Variants in KLHL32 observed in about 807,000 individuals in gnomAD.
KLHL32 encodes kelch like family member 32, also known as kelch-like protein 32.
A neutral mutation model predicts 64.8 loss-of-function variants in KLHL32; 35 were observed. The ratio of observed to expected loss-of-function variants is 0.54; its 90% CI spans 0.41 to 0.72. The LOEUF (loss-of-function observed/expected upper bound fraction) is 0.72. Among genes scored for constraint, KLHL32 ranks in the 30% least tolerant of loss-of-function variants. The pLI, the probability that KLHL32 is intolerant of heterozygous loss-of-function variation, is 0.00. For synonymous variants in KLHL32, 259 were observed against 281.0 expected (o/e 0.92, Z 0.78); for missense variants, 589 against 768.5 (o/e 0.77, Z 2.76).
At chr6:97,092,517 T>A (rs540510871) in intron 6 of KLHL32, among the ~76,000 whole-genome samples, 1 of 152,336 alleles carries the variant, frequency 6.6e-6, no homozygotes, top group Non-Finnish European at 1.5e-5. Context: ...GTGATGAGGG[T>A]ATCTCCATTT....
At chr6:97,090,377 G>A (rs1472609866) in intron 6 of KLHL32, among the ~76,000 whole-genome samples, 2 of 152,086 alleles carry the variant, frequency 1.3e-5, no homozygotes, top group African/African-American at 4.8e-5. Context: ...AGAGACATAA[G>A]CCACATATTG....
At chr6:96,915,660 A>C in the KLHL32 span, among the ~76,000 whole-genome samples, 14 of 152,234 alleles carry the variant, frequency 9.2e-5, no homozygotes, top group Non-Finnish European at 1.6e-4. Context: ...GAGTAAAAAA[A>C]AAAAGGGATG....
intron 6 of KLHL32, among the ~76,000 whole-genome samples, chr6:97,095,539 G>A (rs917891961): frequency 6.6e-6 from 1 of 152,194 alleles, no homozygotes; most frequent in Admixed American, 6.5e-5. Context: ...CTGTGAAACA[G>A]CTGGGAAATC....
At chr6:97,010,627 A>G (rs1780289663) in intron 3 of KLHL32, among the ~76,000 whole-genome samples, 1 of 152,098 alleles carries the variant, frequency 6.6e-6, no homozygotes, top group Non-Finnish European at 1.5e-5. Context: ...GTGTTTTCCT[A>G]AAAAAATACT....
rs1792924072 is a variant in KLHL32, at chr6:97,083,583, TTC to T, written c.412-1539_412-1538del. On this transcript the variant is annotated intron_variant, in intron 5 of 10. Transcript: ENST00000369261. The stretch of plus-strand genomic sequence containing the variant: ...GTTTGTTTGGTCCTAAATGCAACTA[TTC>T]TCTTTTTTCAACATATAAAAGACTT... Among the ~76,000 whole-genome samples, 4 of 152,280 alleles carry T rather than the reference TTC, an allele frequency of 2.6e-5. No individual in the cohort carries two copies. The South Asian group carries it at 8.3e-4, about 32-fold the overall frequency.
intron 3 of KLHL32, among the ~76,000 whole-genome samples, chr6:97,024,352 TG>T (rs1317363933): frequency 6.6e-6 from 1 of 151,688 alleles, no homozygotes; most frequent in Non-Finnish European, 1.5e-5. Context: ...TGATGTACTG[TG>T]GGACAGGACC....
At chr6:97,042,946 G>A (rs1785352957) in intron 4 of KLHL32, among the ~76,000 whole-genome samples, 1 of 152,186 alleles carries the variant, frequency 6.6e-6, no homozygotes, top group Non-Finnish European at 1.5e-5. Context: ...GTGTGAGTGA[G>A]TTCTCACTGT....
At chr6:97,127,365 T>TA in intron 7 of KLHL32, 39 bp from the exon 8 acceptor site, 1 of 1,522,126 alleles carries the variant, frequency 6.6e-7, no homozygotes, top group Non-Finnish European at 9.1e-7. Flanking sequence ...TCCTATTTTT[T>TA]ATTCATGAAA....
intron 5 of KLHL32, among the ~76,000 whole-genome samples, chr6:97,083,962 C>G (rs1024586056): frequency 6.6e-6 from 1 of 151,728 alleles, no homozygotes; most frequent in Non-Finnish European, 1.5e-5. Context: ...CAAAGCCCAT[C>G]TGCCCCAAAA....
At chr6:96,944,288 G>C (rs931729524) in intron 1 of KLHL32, among the ~76,000 whole-genome samples, 5 of 152,190 alleles carry the variant, frequency 3.3e-5, no homozygotes, top group African/African-American at 1.2e-4. Flanking sequence ...GCCTAGGCAA[G>C]AATAAAATAT....
chr6:97,010,126 C>CAAAAAAAAAAAAAAAA (rs57115555), intron 3 of KLHL32: 1 of 87,014 alleles, frequency 1.1e-5, no homozygotes, highest in African/African-American at 3.7e-5. Context: ...ACTGATTTGA[C>CAAAAAAAAAAAAAAAA]AAAAAAAAAA....
At chr6:97,051,447 C>G (rs1582851055) in intron 4 of KLHL32, among the ~76,000 whole-genome samples, 1 of 152,282 alleles carries the variant, frequency 6.6e-6, no homozygotes, top group East Asian at 1.9e-4. Flanking sequence ...GGCGAGTATC[C>G]AGTAACTCCA....
At chr6:97,110,041 A>G (rs1256680799) in intron 6 of KLHL32, among the ~76,000 whole-genome samples, 2 of 152,230 alleles carry the variant, frequency 1.3e-5, no homozygotes, top group African/African-American at 4.8e-5. Flanking sequence ...CAATCTCCCC[A>G]GAAATAATTG....
At chr6:97,071,672 T>G (rs770802221) in intron 5 of KLHL32, among the ~76,000 whole-genome samples, 10 of 152,180 alleles carry the variant, frequency 6.6e-5, no homozygotes, top group Non-Finnish European at 1.5e-5. Context: ...ATCTTTCTAG[T>G]CACTCAAACC....
chr6:96,976,583 A>T (rs1775718950), intron 3 of KLHL32, among the ~76,000 whole-genome samples: 1 of 152,016 alleles, frequency 6.6e-6, no homozygotes, highest in Admixed American at 6.6e-5. Flanking sequence ...ATATATATAT[A>T]TATTTTTGTT....
chr6:96,996,315 G>A (rs180673509), intron 3 of KLHL32, among the ~76,000 whole-genome samples: 43 of 152,270 alleles, frequency 2.8e-4, no homozygotes, highest in African/African-American at 1.0e-3. Context: ...TTCCGTTAGA[G>A]GCTGGGCGTG....
At chr6:96,991,393 C>T (rs1777856666) in intron 3 of KLHL32, among the ~76,000 whole-genome samples, 1 of 152,016 alleles carries the variant, frequency 6.6e-6, no homozygotes, top group Non-Finnish European at 1.5e-5. Context: ...GCTGGGTGTG[C>T]TAGGGATGTC....
At chr6:96,964,959 C>G (rs1416959388) in intron 1 of KLHL32, among the ~76,000 whole-genome samples, 1 of 152,148 alleles carries the variant, frequency 6.6e-6, no homozygotes, top group African/African-American at 2.4e-5. Flanking sequence ...GATCCCATCA[C>G]CCAGGTAACG....
chr6:97,085,244 G>C lies in KLHL32; in HGVS notation c.530G>C (p.Ser177Thr), dbSNP rs1260306211. ...LVKHLSELLKSRPEEVLTLPY... is the reference protein window; with the variant it reads ...LVKHLSELLKTRPEEVLTLPY... ...AAACATCTCTCTGAACTCCTGAAGAGCCGCCCAGAAGAAGTTCTAACGCTT... is the reference window on the plus strand; with the variant it reads ...AAACATCTCTCTGAACTCCTGAAGACCCGCCCAGAAGAAGTTCTAACGCTT... Residue 177 changes from serine (S) to threonine (T), a missense_variant, in exon 6 of 11, where the codon AGC (serine) becomes ACC (threonine). Transcript: ENST00000369261. 6.2e-7 allele frequency: 1 copy of C among 1,613,890 alleles called. No individual in the cohort carries two copies. The highest frequency in any genetic ancestry group is 8.5e-7 in the Non-Finnish European group (1 of 1,180,044).
Sources: allele counts gnomAD v4.1 joint callset (sites outside exome capture counted in the v4.1 genomes callset), GRCh38; gene constraint gnomAD v4.1.1; transcripts MANE v1.5; gene names NCBI Gene and HGNC (gene_info 2026-07-23, HGNC 2026-07-21).